The following RETREG1 variants were observed in gnomAD, a reference collection of about 807,000 sequenced individuals.
RETREG1 encodes family with sequence similarity 134 member B.
Under a neutral mutation model 54.8 loss-of-function variants are expected in RETREG1, and 44 were observed. The observed-to-expected ratio is 0.80, with a 90% CI of 0.63 to 1.03. The LOEUF (loss-of-function observed/expected upper bound fraction) is 1.03, where lower values mean the gene tolerates loss of function less well. Among genes scored for constraint, RETREG1 ranks in the 50% least tolerant of loss-of-function variants. The probability of loss-of-function intolerance (pLI) is 0.00; values close to 1 mark genes in which losing one functional copy is unlikely to be tolerated. For missense variants in RETREG1, 554 were observed against 605.1 expected (o/e 0.92, Z 0.89); for synonymous variants, 217 against 238.5 (o/e 0.91, Z 0.83).
intron 3 of RETREG1, among the ~76,000 whole-genome samples, chr5:16,552,827 A>G (rs1210186714): frequency 6.6e-6 from 1 of 152,242 alleles, no homozygotes; most frequent in Non-Finnish European, 1.5e-5. Flanking sequence ...TGGAATGTGT[A>G]GGTACTAATC....
intron 6 of RETREG1, 70 bp from the exon 7 acceptor site, chr5:16,478,168 T>C (rs1370267558): frequency 3.2e-6 from 3 of 948,304 alleles, no homozygotes; most frequent in Non-Finnish European, 5.2e-6. Context: ...TATTTCATTA[T>C]GTATTCTTAC....
chr5:16,488,442 G>A (rs1263456022), intron 3 of RETREG1, among the ~76,000 whole-genome samples: 1 of 152,114 alleles, frequency 6.6e-6, no homozygotes, highest in African/African-American at 2.4e-5. Flanking sequence ...CATTGCTGAG[G>A]GTCCAAAAAG....
At chr5:16,492,452 T>C (rs1380138431) in intron 3 of RETREG1, among the ~76,000 whole-genome samples, 1 of 151,464 alleles carries the variant, frequency 6.6e-6, no homozygotes, top group Admixed American at 6.6e-5. Context: ...AAGTCACCAT[T>C]CCATATTGAC....
chr5:16,581,992 C>T (rs934305923), intron 1 of RETREG1, among the ~76,000 whole-genome samples: 1 of 152,138 alleles, frequency 6.6e-6, no homozygotes, highest in Non-Finnish European at 1.5e-5. Flanking sequence ...GAATAGGATA[C>T]AACTTTTATC....
intron 1 of RETREG1, among the ~76,000 whole-genome samples, chr5:16,579,594 C>T (rs1742429088): frequency 6.6e-6 from 1 of 152,172 alleles, no homozygotes; most frequent in African/African-American, 2.4e-5. Context: ...GTAAAAGTCC[C>T]CTGTCCTCCA....
intron 1 of RETREG1, among the ~76,000 whole-genome samples, chr5:16,575,322 G>C (rs1044085386): frequency 6.6e-6 from 1 of 152,158 alleles, no homozygotes. Context: ...GACAGAACCT[G>C]CAAATGTTCG....
At chr5:16,539,426 C>T (rs1359586955) in intron 3 of RETREG1, among the ~76,000 whole-genome samples, 2 of 152,104 alleles carry the variant, frequency 1.3e-5, no homozygotes, top group African/African-American at 4.8e-5. Flanking sequence ...ACCAGAGGGA[C>T]GTGTGCCCTC....
At chr5:16,477,970 G>A in intron 7 of RETREG1, 64 bp downstream of exon 7, 1 of 1,356,976 alleles carries the variant, frequency 7.4e-7, no homozygotes, top group Non-Finnish European at 1.0e-6. Flanking sequence ...ATTCAGCTTT[G>A]TATGCATACA....
At chr5:16,510,966 A>G (rs1457519112) in intron 3 of RETREG1, among the ~76,000 whole-genome samples, 1 of 152,110 alleles carries the variant, frequency 6.6e-6, no homozygotes, top group African/African-American at 2.4e-5. Flanking sequence ...CCTGAACATA[A>G]CTGTTGTTGA....
intron 3 of RETREG1, among the ~76,000 whole-genome samples, chr5:16,551,227 C>A (rs1466479486): frequency 6.6e-6 from 1 of 151,878 alleles, no homozygotes; most frequent in Non-Finnish European, 1.5e-5. Flanking sequence ...CAGCCCTCAT[C>A]TCATCCTCAG....
At position 16,580,420 on chromosome 5, in the gene RETREG1, A is replaced by C. The variant is rs2126320812; in HGVS notation, c.321-8318T>G. On this transcript the variant is annotated intron_variant, in intron 1 of 8. Transcript: ENST00000306320. ...GCATTCTGAAGGGCTAAGTGTCTAT[A>C]AGTGCAGATTTGCTTGACTGCTGCT... 1.3e-5 allele frequency among the ~76,000 whole-genome samples: 2 copies of C among 152,372 alleles called. 1 individual carries two copies. Among genetic ancestry groups the C allele is most frequent in the African/African-American group, 4.8e-5 (2 of 41,594 alleles).
chr5:16,576,861 C>T lies in RETREG1; in HGVS notation c.321-4759G>A, dbSNP rs548753789. 5.6e-4 allele frequency among the ~76,000 whole-genome samples: 85 copies of T among 151,726 alleles called. 1 individual carries two copies. Among genetic ancestry groups the T allele is most frequent in the African/African-American group, 1.6e-3 (66 of 41,378 alleles). On this transcript the variant is annotated intron_variant, in intron 1 of 8. Transcript: ENST00000306320. ...CGATCTCTTAACCTTGTGATCCCCC[C>T]GCCTCCACCTCCCAAAGTCCTGGGA...
chr5:16,599,658 C>T (rs1742997211), intron 1 of RETREG1, among the ~76,000 whole-genome samples: 1 of 152,204 alleles, frequency 6.6e-6, no homozygotes, highest in African/African-American at 2.4e-5. Context: ...CAACAGACTG[C>T]TCTCTGCTCT....
At chr5:16,605,188 T>G (rs1040355615) in intron 1 of RETREG1, among the ~76,000 whole-genome samples, 17 of 152,190 alleles carry the variant, frequency 1.1e-4, no homozygotes, top group Admixed American at 1.1e-3. Flanking sequence ...TCTCTGCAGG[T>G]GCCTTGTCCT....
At chr5:16,521,865 A>G (rs1375854520) in intron 3 of RETREG1, among the ~76,000 whole-genome samples, 2 of 152,246 alleles carry the variant, frequency 1.3e-5, no homozygotes, top group African/African-American at 4.8e-5. Flanking sequence ...GGAGAAGCCA[A>G]ATTGAAAGGG....
intron 1 of RETREG1, among the ~76,000 whole-genome samples, chr5:16,595,173 C>T (rs539072433): frequency 1.3e-4 from 20 of 152,326 alleles, no homozygotes; most frequent in African/African-American, 4.6e-4. Context: ...CGGTCATGCG[C>T]AGTCTTGTAC....
intron 1 of RETREG1, among the ~76,000 whole-genome samples, chr5:16,573,254 C>G (rs756853209): frequency 7.1e-6 from 1 of 139,954 alleles, no homozygotes; most frequent in Non-Finnish European, 1.5e-5. Flanking sequence ...GCTTTAAGAT[C>G]ATGCTCCCCT....
intron 1 of RETREG1, among the ~76,000 whole-genome samples, chr5:16,592,135 C>T (rs1742791897): frequency 6.6e-6 from 1 of 151,972 alleles, no homozygotes; most frequent in African/African-American, 2.4e-5. Flanking sequence ...AAAAATAATC[C>T]CAATCAATTC....
At chr5:16,479,199 C>T (rs1579581553) in intron 5 of RETREG1, among the ~76,000 whole-genome samples, 1 of 151,776 alleles carries the variant, frequency 6.6e-6, no homozygotes, top group African/African-American at 2.4e-5. Flanking sequence ...GCATCCCACA[C>T]TTACACAAGT....
Sources: gnomAD v4.1 joint callset for allele counts (sites outside exome capture counted in the v4.1 genomes callset) on GRCh38, gnomAD v4.1.1 for gene constraint, MANE v1.5 for transcripts, NCBI Gene and HGNC (gene_info 2026-07-23, HGNC 2026-07-21) for gene names.